Variants in ESRRG observed in about 807,000 individuals in gnomAD.
The protein encoded by ESRRG is estrogen related receptor gamma, also known as estrogen-related receptor gamma.
In ESRRG, 13 loss-of-function variants were observed where a neutral mutation model predicts 44.0. The observed-to-expected ratio is 0.30, with a 90% CI of 0.19 to 0.47. The LOEUF is 0.47. Among genes scored for constraint, ESRRG ranks in the 20% least tolerant of loss-of-function variants. ESRRG has a pLI of 1.00. For synonymous variants in ESRRG, 215 were observed against 214.6 expected (o/e 1.00, Z -0.02); for missense variants, 395 against 580.6 (o/e 0.68, Z 3.29).
At chr1:217,008,076 T>C (rs543877217) in intron 1 of ESRRG, among the ~76,000 whole-genome samples, 12 of 152,294 alleles carry the variant, frequency 7.9e-5, no homozygotes, top group African/African-American at 2.6e-4. Flanking sequence ...GCAATTAAGA[T>C]AAACCAACAG....
intron 2 of ESRRG, among the ~76,000 whole-genome samples, chr1:216,919,136 C>A (rs1266041792): frequency 6.6e-6 from 1 of 151,874 alleles, no homozygotes; most frequent in Non-Finnish European, 1.5e-5. Flanking sequence ...TACTTATATC[C>A]AGCCACTAAG....
At chr1:216,675,766 T>A (rs889017157) in intron 2 of ESRRG, among the ~76,000 whole-genome samples, 2 of 152,232 alleles carry the variant, frequency 1.3e-5, no homozygotes, top group Non-Finnish European at 2.9e-5. Context: ...ATGCTGGTAC[T>A]GCTGGTACAG....
At chr1:216,557,226 C>G (rs904366229) in intron 5 of ESRRG, among the ~76,000 whole-genome samples, 2 of 152,088 alleles carry the variant, frequency 1.3e-5, no homozygotes, top group Admixed American at 1.3e-4. Context: ...CATACATTTC[C>G]TTTTTAAATT....
intron 1 of ESRRG, among the ~76,000 whole-genome samples, chr1:216,969,805 A>T (rs1430452098): frequency 6.6e-6 from 1 of 152,080 alleles, no homozygotes; most frequent in Admixed American, 6.6e-5. Flanking sequence ...GACTGGTCTC[A>T]AACTCCTGAC....
chr1:216,810,415 C>T (rs2094931770), intron 2 of ESRRG, among the ~76,000 whole-genome samples: 1 of 151,750 alleles, frequency 6.6e-6, no homozygotes, highest in African/African-American at 2.4e-5. Flanking sequence ...ATGTAAAAGT[C>T]CAGAAAGTAT....
At chr1:216,967,334 T>C (rs755651955) in intron 1 of ESRRG, among the ~76,000 whole-genome samples, 1 of 152,140 alleles carries the variant, frequency 6.6e-6, no homozygotes, top group Non-Finnish European at 1.5e-5. Flanking sequence ...CCTATTATTA[T>C]AATATCATAC....
chr1:217,135,249 C>A (rs1408311647), intron 1 of ESRRG, among the ~76,000 whole-genome samples: 2 of 152,094 alleles, frequency 1.3e-5, no homozygotes, highest in African/African-American at 4.8e-5. Context: ...CTCCTCACCC[C>A]CTGCTCCGCC....
intron 2 of ESRRG, among the ~76,000 whole-genome samples, chr1:216,813,750 T>C (rs921397267): frequency 6.6e-6 from 1 of 152,176 alleles, no homozygotes; most frequent in African/African-American, 2.4e-5. Context: ...CTGCACACTA[T>C]ACACACATAA....
chr1:216,690,304 C>G (rs1490917587), intron 1 of ESRRG, among the ~76,000 whole-genome samples: 1 of 151,610 alleles, frequency 6.6e-6, no homozygotes, highest in Admixed American at 6.6e-5. Context: ...TTAAACGAGT[C>G]CTAGTCAAAG....
chr1:217,062,501 A>C (rs2088764075), intron 1 of ESRRG, among the ~76,000 whole-genome samples: 1 of 152,182 alleles, frequency 6.6e-6, no homozygotes, highest in African/African-American at 2.4e-5. Context: ...CACTTCTAGA[A>C]AAGTCAACAG....
intron 5 of ESRRG, among the ~76,000 whole-genome samples, chr1:216,530,800 C>T (rs780051537): frequency 6.6e-6 from 1 of 152,030 alleles, no homozygotes; most frequent in Admixed American, 6.6e-5. Context: ...TCAGAGTTAC[C>T]TAATTGGTCC....
At chr1:216,546,938 A>T (rs909688086) in intron 5 of ESRRG, among the ~76,000 whole-genome samples, 2 of 151,752 alleles carry the variant, frequency 1.3e-5, no homozygotes, top group Admixed American at 1.3e-4. Flanking sequence ...TATTTCTCCT[A>T]ATGCTACCCC....
intron 5 of ESRRG, among the ~76,000 whole-genome samples, chr1:216,560,746 C>A (rs558890877): frequency 1.3e-5 from 2 of 152,082 alleles, no homozygotes; most frequent in South Asian, 2.1e-4. Flanking sequence ...GTGTGCAGTA[C>A]CTCCGTATCT....
chr1:216,550,909 G>T (rs377299290), intron 5 of ESRRG, among the ~76,000 whole-genome samples: 2 of 152,080 alleles, frequency 1.3e-5, no homozygotes, highest in East Asian at 3.9e-4. Context: ...GTCCTTTCAG[G>T]CAGATTCTGG....
At chr1:216,528,089 A>G (rs2048223887) in intron 5 of ESRRG, among the ~76,000 whole-genome samples, 2 of 152,182 alleles carry the variant, frequency 1.3e-5, no homozygotes, top group African/African-American at 4.8e-5. Context: ...GCTTTCAAAA[A>G]GATGCGACGT....
At chr1:216,951,741 G>A (rs985130444) in intron 1 of ESRRG, among the ~76,000 whole-genome samples, 14 of 151,330 alleles carry the variant, frequency 9.3e-5, no homozygotes, top group African/African-American at 2.7e-4. Context: ...GTGTGTGTGT[G>A]TGTGTGTGTG....
At chr1:216,923,827 C>T (rs753047767) in intron 2 of ESRRG, among the ~76,000 whole-genome samples, 5 of 152,156 alleles carry the variant, frequency 3.3e-5, no homozygotes, top group East Asian at 1.9e-4. Context: ...ATTGGATTTT[C>T]GGGTTCAGTG....
At chr1:217,078,720 T>C (rs1156613283) in intron 1 of ESRRG, among the ~76,000 whole-genome samples, 1 of 152,202 alleles carries the variant, frequency 6.6e-6, no homozygotes, top group Non-Finnish European at 1.5e-5. Context: ...TGAATCAGGA[T>C]TTTTTAAAAT....
chr1:217,126,689 G>A (rs1284523232), intron 1 of ESRRG, among the ~76,000 whole-genome samples: 1 of 152,110 alleles, frequency 6.6e-6, no homozygotes, highest in Non-Finnish European at 1.5e-5. Context: ...ACAAAGGGAA[G>A]GTTCCTGCTA....
Sources: gnomAD v4.1 joint callset for allele counts (sites outside exome capture counted in the v4.1 genomes callset) on GRCh38, gnomAD v4.1.1 for gene constraint, MANE v1.5 for transcripts, NCBI Gene and HGNC (gene_info 2026-07-23, HGNC 2026-07-21) for gene names.